Variants in DIP2C observed in about 807,000 individuals in gnomAD.
DIP2C encodes disco-interacting protein 2 homolog C.
In DIP2C, 33 loss-of-function variants were observed where a neutral mutation model predicts 192.4. That is an observed-to-expected ratio of 0.17 (90% CI 0.13 to 0.23). The LOEUF (loss-of-function observed/expected upper bound fraction) is 0.23. Among genes scored for constraint, DIP2C ranks in the 10% least tolerant of loss-of-function variants. The pLI is 1.00. For missense variants in DIP2C, 1,537 were observed against 2,110.1 expected, an observed-to-expected ratio of 0.73 and a Z score of 5.32; for synonymous variants, 979 against 864.1, an observed-to-expected ratio of 1.13 and a Z score of -2.33.
intron 1 of DIP2C, among the ~76,000 whole-genome samples, chr10:682,042 T>C (rs1831153806): frequency 6.6e-6 from 1 of 152,242 alleles, no homozygotes; most frequent in African/African-American, 2.4e-5. Flanking sequence ...TGAATGCTTG[T>C]TAAATGAATG....
rs184064020 is a variant in DIP2C, at chr10:648,216, G to A, written c.85+41278C>T. ...TCCACGTCCACATTGGACAGTGGGC[G>A]AGAACAGAGGGAAACAGTCCAAGTC... On this transcript the variant is annotated intron_variant, in intron 1 of 36. Transcript: ENST00000280886. Among the ~76,000 whole-genome samples the A allele has an allele frequency of 1.8e-3, 271 of 151,344 alleles. 2 individuals carry two copies. Among genetic ancestry groups the A allele is most frequent in the Non-Finnish European group, 2.9e-3 (197 of 67,862 alleles).
chr10:578,554 T>C (rs534435352), intron 1 of DIP2C, among the ~76,000 whole-genome samples: 1 of 152,338 alleles, frequency 6.6e-6, no homozygotes, highest in East Asian at 1.9e-4. Flanking sequence ...CCTAAATCAT[T>C]GCAAAGCATC....
At chr10:395,834 T>G (rs1963944053) in intron 10 of DIP2C, among the ~76,000 whole-genome samples, 1 of 152,128 alleles carries the variant, frequency 6.6e-6, no homozygotes, top group Non-Finnish European at 1.5e-5. Flanking sequence ...CATGCACAGG[T>G]TACAGTCACT....
chr10:443,101 GA>G (rs1967879211), intron 3 of DIP2C, among the ~76,000 whole-genome samples: 2 of 152,326 alleles, frequency 1.3e-5, no homozygotes, highest in Non-Finnish European at 1.5e-5. Context: ...GCAACTCAGT[GA>G]AGGTGGTGCT....
At chr10:481,893 AAATACCTGCCC>A (rs540117114) in intron 2 of DIP2C, among the ~76,000 whole-genome samples, 221 of 152,310 alleles carry the variant, frequency 1.5e-3, no homozygotes, top group Admixed American at 3.5e-3. Context: ...TCCATACAGC[AAATACCTGCCC>A]AATGTCCACT....
chr10:616,842 A>G (rs903898219), intron 1 of DIP2C, among the ~76,000 whole-genome samples: 1 of 152,200 alleles, frequency 6.6e-6, no homozygotes, highest in Non-Finnish European at 1.5e-5. Flanking sequence ...CATCAGCGAG[A>G]GGCCGCCGTG....
At chr10:588,325 T>C (rs576118333) in intron 1 of DIP2C, among the ~76,000 whole-genome samples, 2 of 152,352 alleles carry the variant, frequency 1.3e-5, no homozygotes, top group African/African-American at 4.8e-5. Flanking sequence ...ACCAGGACTG[T>C]GTCCTGGGAA....
intron 1 of DIP2C, among the ~76,000 whole-genome samples, chr10:655,724 T>C (rs1856250133): frequency 6.6e-6 from 1 of 152,186 alleles, no homozygotes. Flanking sequence ...CCACTTGTTC[T>C]ATTCTAGACT....
intron 1 of DIP2C, among the ~76,000 whole-genome samples, chr10:686,615 A>G (rs1831347722): frequency 6.6e-6 from 1 of 152,254 alleles, no homozygotes; most frequent in South Asian, 2.1e-4. Flanking sequence ...AGCTCCCACA[A>G]GAGGGCTGCC....
At chr10:612,788 G>T (rs1425831210) in intron 1 of DIP2C, among the ~76,000 whole-genome samples, 2 of 152,148 alleles carry the variant, frequency 1.3e-5, no homozygotes, top group African/African-American at 4.8e-5. Flanking sequence ...AGAGTCTCAA[G>T]AAATGAGACA....
intron 17 of DIP2C, 39 bp downstream of exon 17, chr10:382,608 G>A (rs754608773): frequency 2.6e-6 from 4 of 1,511,816 alleles, no homozygotes; most frequent in Non-Finnish European, 3.7e-6. Flanking sequence ...AATTAGGACT[G>A]TCTCTAGGTT....
chr10:392,803 G>A (rs1564653957), intron 10 of DIP2C, among the ~76,000 whole-genome samples: 1 of 148,648 alleles, frequency 6.7e-6, no homozygotes. Context: ...ACACGCGGAT[G>A]CGCACACTCA....
intron 1 of DIP2C, among the ~76,000 whole-genome samples, chr10:577,446 T>C (rs966144013): frequency 2.0e-5 from 3 of 152,242 alleles, no homozygotes; most frequent in African/African-American, 7.2e-5. Context: ...TACTTTCTCA[T>C]GCTAAGCCGT....
chr10:321,379 C>T (rs1471108006), intron 31 of DIP2C, among the ~76,000 whole-genome samples: 1 of 152,288 alleles, frequency 6.6e-6, no homozygotes, highest in Non-Finnish European at 1.5e-5. Context: ...ATGCCCTTGA[C>T]ACATCCTAAG....
At chr10:442,811 T>G (rs1967855946) in intron 3 of DIP2C, among the ~76,000 whole-genome samples, 1 of 152,240 alleles carries the variant, frequency 6.6e-6, no homozygotes, top group Non-Finnish European at 1.5e-5. Context: ...AAGTTCACAT[T>G]CAAATGGTGT....
chr10:381,587 C>T (rs1024419645), intron 17 of DIP2C, among the ~76,000 whole-genome samples: 6 of 152,186 alleles, frequency 3.9e-5, no homozygotes, highest in Non-Finnish European at 8.8e-5. Flanking sequence ...AGGCCGCAGC[C>T]GACCTGACAT....
At chr10:297,919 A>G (rs1049165196) in intron 32 of DIP2C, among the ~76,000 whole-genome samples, 2 of 152,184 alleles carry the variant, frequency 1.3e-5, no homozygotes, top group Non-Finnish European at 2.9e-5. Flanking sequence ...ATTATGTGTT[A>G]ATTTTATAAA....
chr10:687,838 C>G (rs150504522), intron 1 of DIP2C, among the ~76,000 whole-genome samples: 1 of 152,346 alleles, frequency 6.6e-6, no homozygotes, highest in Non-Finnish European at 1.5e-5. Flanking sequence ...TCTGGGCTAG[C>G]AGTGGGTGGG....
chr10:333,156 G>A (rs1195876067), intron 29 of DIP2C, among the ~76,000 whole-genome samples: 1 of 152,156 alleles, frequency 6.6e-6, no homozygotes, highest in African/African-American at 2.4e-5. Context: ...ACCCACCTCA[G>A]CCTCCCAAAG....
Sources: allele counts gnomAD v4.1 joint callset (sites outside exome capture counted in the v4.1 genomes callset), GRCh38; gene constraint gnomAD v4.1.1; transcripts MANE v1.5; gene names NCBI Gene and HGNC (gene_info 2026-07-23, HGNC 2026-07-21).